The following TET3 variants were observed in gnomAD, a reference collection of about 807,000 sequenced individuals.
TET3 encodes the protein methylcytosine dioxygenase TET3.
Under a neutral mutation model 141.4 loss-of-function variants are expected in TET3, and 19 were observed. That is an observed-to-expected ratio of 0.13 (90% CI 0.09 to 0.20). TET3 has a LOEUF of 0.20. TET3 is among the 10% of genes least tolerant of loss of function. TET3 has a pLI of 1.00. For synonymous variants in TET3, 1,043 were observed against 980.9 expected (o/e 1.06, Z -1.18); for missense variants, 1,874 against 2,356.9 (o/e 0.80, Z 4.24).
At chr2:74,037,250 A>G (rs1409236063) in intron 3 of TET3, among the ~76,000 whole-genome samples, 1 of 152,268 alleles carries the variant, frequency 6.6e-6, no homozygotes, top group Non-Finnish European at 1.5e-5. Flanking sequence ...AGTTTTATCA[A>G]TAAATCTTCC....
intron 4 of TET3, among the ~76,000 whole-genome samples, chr2:74,067,110 C>A (rs1573840052): frequency 6.6e-6 from 1 of 152,134 alleles, no homozygotes; most frequent in South Asian, 2.1e-4. Flanking sequence ...TCCCCACTCC[C>A]CCCTGCTCTC....
At chr2:74,117,002 G>A in the TET3 span, among the ~76,000 whole-genome samples, 1 of 152,116 alleles carries the variant, frequency 6.6e-6, no homozygotes, top group African/African-American at 2.4e-5. Context: ...CACCTCAAAT[G>A]GGCAAGGGAG....
chr2:74,012,517 A>G (rs1685513054), intron 3 of TET3, among the ~76,000 whole-genome samples: 1 of 152,200 alleles, frequency 6.6e-6, no homozygotes, highest in East Asian at 1.9e-4. Context: ...CCCACCTTTC[A>G]GAAAGGAAAC....
intron 10 of TET3, among the ~76,000 whole-genome samples, chr2:74,095,750 A>G (rs1690786615): frequency 6.6e-6 from 1 of 152,244 alleles, no homozygotes; most frequent in Admixed American, 6.5e-5. Flanking sequence ...GTCCCCTATC[A>G]ATGGACAGTA....
Position 74,102,308 on chromosome 2 carries a change from ATATCATATATATGTATT to A in TET3, c.*136_*152del. 8.1e-7 allele frequency: 1 copy of A among 1,232,064 alleles called. No individual in the cohort carries two copies. The highest frequency in any genetic ancestry group is 1.0e-6 in the Non-Finnish European group (1 of 975,450). 76.3% of individuals were successfully genotyped at this position (1,232,064 alleles called of 1,614,324 possible). ...TCTCTATATACATATATAGATGCGC[ATATCATATATATGTATT>A]TATGGTCCAAACCTCAGAACTGACC... On this transcript the variant is annotated 3_prime_UTR_variant, in exon 12 of 12. Transcript: ENST00000409262.
At chr2:74,116,807 T>C in the TET3 span, among the ~76,000 whole-genome samples, 7 of 151,976 alleles carry the variant, frequency 4.6e-5, no homozygotes, top group African/African-American at 1.7e-4. Flanking sequence ...CCAGGTGTGG[T>C]GGCTCGTGCC....
chr2:74,100,460 C>A lies in TET3; in HGVS notation c.3672C>A (p.Asn1224Lys). 6.3e-7 allele frequency: 1 copy of A among 1,588,154 alleles called. No homozygotes were observed. Among genetic ancestry groups the A allele is most frequent in the Admixed American group, 1.8e-5 (1 of 56,056 alleles). Reference protein sequence around the residue: ...LKPSLKVEPQNHFSSFKYSGN... With the variant: ...LKPSLKVEPQKHFSSFKYSGN... ...CCTCCCTCAAGGTGGAGCCGCAGAA[C>A]CACTTCAGCTCCTTCAAGTACAGCG... The change falls in exon 12 of 12, where the codon AAC (asparagine) becomes AAA (lysine). Residue 1224 changes from asparagine (N) to lysine (K), a missense_variant. Physicochemically the swap from Asn to Lys is moderately conservative, Grantham distance 94 (BLOSUM62 0). Around this residue, in one of 10 missense-constraint regions of TET3, gnomAD observed 602 missense variants for 590.2 expected, o/e 1.02. Transcript: ENST00000409262.
chr2:74,055,658 A>T (rs1042793193), intron 4 of TET3, among the ~76,000 whole-genome samples: 1 of 152,226 alleles, frequency 6.6e-6, no homozygotes, highest in Non-Finnish European at 1.5e-5. Context: ...TTGTTTCCCC[A>T]AACTTACATT....
chr2:74,128,524 T>G, the TET3 span, among the ~76,000 whole-genome samples: 1 of 152,118 alleles, frequency 6.6e-6, no homozygotes, highest in South Asian at 2.1e-4. Flanking sequence ...GGGCTCTCCT[T>G]AATAATAGTG....
chr2:74,075,412 T>A (rs2103954870), intron 5 of TET3, among the ~76,000 whole-genome samples: 1 of 137,446 alleles, frequency 7.3e-6, no homozygotes, highest in South Asian at 2.4e-4. Context: ...CACTGCAACC[T>A]CTGCCTCCCA....
intron 2 of TET3, among the ~76,000 whole-genome samples, chr2:74,001,560 G>C (rs1009804034): frequency 1.3e-5 from 2 of 152,232 alleles, no homozygotes; most frequent in South Asian, 4.1e-4. Context: ...CCTGGAGTTT[G>C]TGGGTACCAA....
At position 74,092,996 on chromosome 2, in the gene TET3, C is replaced by T. The variant is rs571703894; in HGVS notation, c.3129+5C>T. Reference sequence around the variant, plus strand: ...CCTCAGGCCTATCAGAACCAGGTAACGGGCCCTGGGCCTTTTGCTGCCCAC... The same window carrying T: ...CCTCAGGCCTATCAGAACCAGGTAATGGGCCCTGGGCCTTTTGCTGCCCAC... On this transcript the variant is annotated splice_donor_5th_base_variant and intron_variant, in intron 9 of 11. Coordinates refer to ENST00000409262, the MANE Select transcript of TET3 (RefSeq NM_001287491.2). 140 of 1,562,996 alleles carry T rather than the reference C, an allele frequency of 9.0e-5. No individual in the cohort carries two copies. Among genetic ancestry groups the T allele is most frequent in the Admixed American group, 3.2e-4 (17 of 52,378 alleles).
At chr2:73,984,752 G>C (rs975068666), upstream of TET3, among the ~76,000 whole-genome samples, 3 of 149,798 alleles carry the variant, frequency 2.0e-5, no homozygotes, top group Non-Finnish European at 3.0e-5. This position sits in a 1 kb window ranked among gnomAD's most constrained non-coding sequence, Gnocchi z 5.6. Context: ...GCCGCTCGCA[G>C]GCCGCCCACC....
At chr2:74,116,846 G>A in the TET3 span, among the ~76,000 whole-genome samples, 8 of 152,298 alleles carry the variant, frequency 5.3e-5, no homozygotes, top group South Asian at 1.7e-3. Flanking sequence ...GGTGCGGCTA[G>A]GGGAGCTGTC....
chr2:74,032,637 C>T (rs529180161), intron 3 of TET3, among the ~76,000 whole-genome samples: 10 of 152,172 alleles, frequency 6.6e-5, no homozygotes, highest in South Asian at 6.2e-4. Context: ...TGGTTAGGCT[C>T]GATTTCCTCC....
intron 4 of TET3, among the ~76,000 whole-genome samples, chr2:74,062,022 G>A (rs1386411704): frequency 3.9e-5 from 6 of 151,966 alleles, no homozygotes; most frequent in Admixed American, 1.3e-4. Context: ...ACGGGGTGGC[G>A]GCCGGGCAGA....
At chr2:74,001,702 C>T (rs983968133) in intron 2 of TET3, among the ~76,000 whole-genome samples, 1 of 152,168 alleles carries the variant, frequency 6.6e-6, no homozygotes, top group Non-Finnish European at 1.5e-5. Context: ...GGGTCTGCCT[C>T]TCCCCTCTCT....
chr2:73,987,057 T>C (rs1684066326), intron 2 of TET3, among the ~76,000 whole-genome samples: 1 of 152,180 alleles, frequency 6.6e-6, no homozygotes, highest in Admixed American at 6.5e-5. Flanking sequence ...ACTTGGTCAG[T>C]GAGGGTGTAA....
intron 3 of TET3, among the ~76,000 whole-genome samples, chr2:74,004,711 T>G (rs934963986): frequency 6.6e-6 from 1 of 152,010 alleles, no homozygotes; most frequent in African/African-American, 2.4e-5. Context: ...GGCGATACTG[T>G]GGGTGGGGAG....
Sources: allele counts gnomAD v4.1 joint callset (sites outside exome capture counted in the v4.1 genomes callset), GRCh38; gene constraint gnomAD v4.1.1; regional missense constraint gnomAD v4.1.1; non-coding constraint Gnocchi (gnomAD v3.1); transcripts MANE v1.5; gene names NCBI Gene and HGNC (gene_info 2026-07-23, HGNC 2026-07-21).